CSGALNACT1: variants seen among roughly 807,000 people sequenced by gnomAD.
CSGALNACT1 encodes the protein chondroitin sulfate N-acetylgalactosaminyltransferase 1.
A neutral mutation model predicts 51.0 loss-of-function variants in CSGALNACT1; 52 were observed. The ratio of observed to expected loss-of-function variants is 1.02; its 90% CI spans 0.82 to 1.29. The LOEUF (loss-of-function observed/expected upper bound fraction) is 1.29, where lower values mean the gene tolerates loss of function less well. Ranked by LOEUF, CSGALNACT1 falls within the 50% of genes most tolerant of loss-of-function variation. The pLI, the probability that CSGALNACT1 is intolerant of heterozygous loss-of-function variation, is 0.00. For synonymous variants in CSGALNACT1, 341 were observed against 254.4 expected (o/e 1.34, Z -3.24); for missense variants, 935 against 679.2 (o/e 1.38, Z -4.19).
intron 4 of CSGALNACT1, among the ~76,000 whole-genome samples, chr8:19,480,779 C>G (rs1006241907): frequency 9.2e-5 from 14 of 152,252 alleles, no homozygotes; most frequent in African/African-American, 3.4e-4. Context: ...CCTATCCCTA[C>G]CAGGCTCACT....
At chr8:19,732,890 T>A (rs188467959) in intron 1 of CSGALNACT1, among the ~76,000 whole-genome samples, 48 of 152,360 alleles carry the variant, frequency 3.2e-4, no homozygotes, top group African/African-American at 1.1e-3. Flanking sequence ...TGATAATGGA[T>A]ATGTTGTTCT....
chr8:19,406,796 C>T (rs1403540100), intron 9 of CSGALNACT1, among the ~76,000 whole-genome samples: 3 of 152,160 alleles, frequency 2.0e-5, no homozygotes, highest in Non-Finnish European at 4.4e-5. Flanking sequence ...GCAATCTCCA[C>T]CTACTGGGTT....
At chr8:19,507,698 G>A (rs948892326) in intron 3 of CSGALNACT1, among the ~76,000 whole-genome samples, 1 of 152,130 alleles carries the variant, frequency 6.6e-6, no homozygotes, top group Non-Finnish European at 1.5e-5. Context: ...CGCGATCTCT[G>A]CTCACTGCCA....
chr8:19,612,858 G>C (rs2052459404), intron 1 of CSGALNACT1, among the ~76,000 whole-genome samples: 6 of 144,478 alleles, frequency 4.2e-5, no homozygotes. Flanking sequence ...ATAAAAGCGA[G>C]AGAGCAACTA....
At chr8:19,581,976 T>G (rs1377203389) in intron 3 of CSGALNACT1, among the ~76,000 whole-genome samples, 1 of 152,230 alleles carries the variant, frequency 6.6e-6, no homozygotes, top group Non-Finnish European at 1.5e-5. Flanking sequence ...ATGTAAAGGT[T>G]GCAATTTTTC....
chr8:19,527,591 C>A (rs978410003), intron 3 of CSGALNACT1, among the ~76,000 whole-genome samples: 2 of 152,128 alleles, frequency 1.3e-5, no homozygotes, highest in South Asian at 4.1e-4. Context: ...GCCTGGGTGA[C>A]AAAGTGAGAC....
chr8:19,670,524 ATTC>A (rs59566067), intron 1 of CSGALNACT1, among the ~76,000 whole-genome samples: 5,479 of 151,950 alleles, frequency 0.036, 343 homozygotes, highest in African/African-American at 0.13. Flanking sequence ...CCCCTATATT[ATTC>A]TTATGCCATC....
At chr8:19,427,254 A>C (rs1211771252) in intron 6 of CSGALNACT1, among the ~76,000 whole-genome samples, 1 of 152,226 alleles carries the variant, frequency 6.6e-6, no homozygotes, top group Non-Finnish European at 1.5e-5. Flanking sequence ...ACATCTCTGA[A>C]TCTCAGAATG....
exon 4 of CSGALNACT1, chr8:19,505,649 C>T (rs368182901): frequency 1.9e-6 from 3 of 1,614,206 alleles, no homozygotes; most frequent in African/African-American, 1.3e-5. Flanking sequence ...CCTCCCACTC[C>T]TGAAGGACGG....
rs770022235 is a variant in CSGALNACT1, at chr8:19,474,883, A to AAAG, written c.635-16242_635-16241insCTT. On this transcript the variant is annotated intron_variant, in intron 4 of 9. Transcript: ENST00000454498. ...ACTCTGTCTCAGAAAAAAAAAAAAA[A>AAAG]AAAGAAAAAAAAAAGAAAGCAACTT... Among the ~76,000 whole-genome samples, 82 of 150,210 alleles carry AAAG rather than the reference A, an allele frequency of 5.5e-4. 1 individual carries two copies. The East Asian group carries it at 6.6e-3, about 12-fold the overall frequency.
At chr8:19,694,421 A>G (rs1480157415) in intron 1 of CSGALNACT1, among the ~76,000 whole-genome samples, 1 of 152,258 alleles carries the variant, frequency 6.6e-6, no homozygotes, top group Non-Finnish European at 1.5e-5. Context: ...AACCAACCTT[A>G]GAAAGCTCAA....
chr8:19,655,547 T>TGC (rs2058185311), intron 1 of CSGALNACT1, among the ~76,000 whole-genome samples: 1 of 63,006 alleles, frequency 1.6e-5, no homozygotes, highest in Admixed American at 2.1e-4. Flanking sequence ...TACATCTATA[T>TGC]GCACATATAT....
At chr8:19,422,886 A>G (rs1210703406) in intron 6 of CSGALNACT1, among the ~76,000 whole-genome samples, 3 of 152,210 alleles carry the variant, frequency 2.0e-5, no homozygotes, top group African/African-American at 7.2e-5. Flanking sequence ...CCTGGAGTCC[A>G]TCTTGCTTTA....
In CSGALNACT1 at chr8:19,503,015, C is replaced by T. The variant is rs78580548; in HGVS notation, c.634+2186G>A. ...CCCCTTATACTGCACTTAATTCTATCACACCTGCAGCTTCCTCTGACTAGT... is the reference window on the plus strand; with the variant it reads ...CCCCTTATACTGCACTTAATTCTATTACACCTGCAGCTTCCTCTGACTAGT... On this transcript the variant is annotated intron_variant, in intron 4 of 9. Coordinates refer to ENST00000454498, the Ensembl canonical transcript of CSGALNACT1. 5.2e-3 allele frequency among the ~76,000 whole-genome samples: 788 copies of T among 152,302 alleles called. 4 individuals carry two copies. The highest frequency in any genetic ancestry group is 0.018 in the African/African-American group (761 of 41,566).
chr8:19,676,084 T>C (rs866894079), intron 1 of CSGALNACT1, among the ~76,000 whole-genome samples: 1 of 106,202 alleles, frequency 9.4e-6, no homozygotes, highest in Non-Finnish European at 1.9e-5. Context: ...TTGTCTGATT[T>C]AAAAAACAAA....
chr8:19,522,601 C>G (rs541336038), intron 3 of CSGALNACT1, among the ~76,000 whole-genome samples: 73 of 152,248 alleles, frequency 4.8e-4, no homozygotes, highest in Non-Finnish European at 8.4e-4. Context: ...TAGTTGTACA[C>G]ATGGGGCTGC....
intron 3 of CSGALNACT1, among the ~76,000 whole-genome samples, chr8:19,508,408 G>C (rs1338065759): frequency 6.6e-6 from 1 of 152,156 alleles, no homozygotes; most frequent in Non-Finnish European, 1.5e-5. Flanking sequence ...TCTCTCTACT[G>C]TAATTTAGAA....
At chr8:19,659,465 C>G (rs1051716627) in intron 1 of CSGALNACT1, among the ~76,000 whole-genome samples, 2 of 152,112 alleles carry the variant, frequency 1.3e-5, no homozygotes, top group Admixed American at 1.3e-4. Flanking sequence ...TTGTGACAAA[C>G]TGTGTGTGTT....
chr8:19,558,080 G>A (rs986020078), intron 3 of CSGALNACT1, among the ~76,000 whole-genome samples: 53 of 152,184 alleles, frequency 3.5e-4, no homozygotes, highest in African/African-American at 1.2e-3. Flanking sequence ...TGTACTGCAT[G>A]GCTGCTTTTG....
Sources: gnomAD v4.1 joint callset for allele counts (sites outside exome capture counted in the v4.1 genomes callset) on GRCh38, gnomAD v4.1.1 for gene constraint, MANE v1.5 for transcripts, NCBI Gene and HGNC (gene_info 2026-07-23, HGNC 2026-07-21) for gene names.